AOPEP: variants seen among roughly 807,000 people sequenced by gnomAD.
AOPEP encodes aminopeptidase O.
AOPEP carries 77 observed loss-of-function variants against 98.1 expected under a neutral mutation model. The ratio of observed to expected loss-of-function variants is 0.78; its 90% confidence interval spans 0.65 to 0.95. The LOEUF (loss-of-function observed/expected upper bound fraction) is 0.95, where lower values mean the gene tolerates loss of function less well. Ranked by LOEUF, AOPEP falls within the 40% of genes least tolerant of loss-of-function variation. The pLI, the probability that AOPEP is intolerant of heterozygous loss-of-function variation, is 0.00. For missense variants in AOPEP, 1,024 were observed against 1,024.7 expected (o/e 1.00, Z 0.01); for synonymous variants, 346 against 365.3 (o/e 0.95, Z 0.60).
intron 5 of AOPEP, among the ~76,000 whole-genome samples, chr9:94,874,200 A>G (rs2046662075): frequency 6.6e-6 from 1 of 152,352 alleles, no homozygotes; most frequent in African/African-American, 2.4e-5. Context: ...GTTATATACC[A>G]GGCAGCACTG....
chr9:95,135,483 T>A, the AOPEP span: 1 of 1,613,988 alleles, frequency 6.2e-7, no homozygotes, highest in Non-Finnish European at 8.5e-7. Flanking sequence ...ACAGCTGACA[T>A]GGGGAGAGAA....
At chr9:94,954,139 A>G (rs925418122) in intron 7 of AOPEP, among the ~76,000 whole-genome samples, 1 of 152,160 alleles carries the variant, frequency 6.6e-6, no homozygotes, top group Non-Finnish European at 1.5e-5. Context: ...CCTGGCCAAC[A>G]TGGCGAAACC....
intron 3 of AOPEP, among the ~76,000 whole-genome samples, chr9:94,781,026 G>A (rs938536467): frequency 6.6e-6 from 1 of 152,046 alleles, no homozygotes; most frequent in African/African-American, 2.4e-5. Context: ...TTAAAATGAA[G>A]GGTAATGGTT....
intron 1 of AOPEP, among the ~76,000 whole-genome samples, chr9:94,752,404 G>A (rs1339427900): frequency 6.6e-6 from 1 of 151,888 alleles, no homozygotes; most frequent in African/African-American, 2.4e-5. Flanking sequence ...GCATGTACCA[G>A]GGAGAAAGAA....
At chr9:94,733,018 G>A (rs2131721645) in intron 1 of AOPEP, among the ~76,000 whole-genome samples, 1 of 151,968 alleles carries the variant, frequency 6.6e-6, no homozygotes, top group South Asian at 2.1e-4. Flanking sequence ...TTGGAACATG[G>A]CATAACATCT....
At chr9:94,765,926 T>C (rs1390295127) in intron 2 of AOPEP, among the ~76,000 whole-genome samples, 4 of 152,204 alleles carry the variant, frequency 2.6e-5, no homozygotes, top group East Asian at 1.9e-4. Context: ...TTAAAATGAC[T>C]GATGGAAGGA....
At chr9:94,741,422 G>A (rs939950776) in intron 1 of AOPEP, among the ~76,000 whole-genome samples, 9 of 151,914 alleles carry the variant, frequency 5.9e-5, no homozygotes, top group East Asian at 5.8e-4. Context: ...ACAGGCGCCC[G>A]CCACCATGCC....
At position 94,930,385 on chromosome 9, in the gene AOPEP, T is replaced by A. The variant is rs1032915411; in HGVS notation, c.1661+1854T>A. On this transcript the variant is annotated intron_variant, in intron 7 of 16. Transcript: ENST00000375315. This position sits in a 1 kb window ranked among gnomAD's most constrained non-coding sequence, Gnocchi z 4.5. ...GGAGGAGCTTGGAAGGAAAATGAAGTTTCCAGCTTTGCATGTGTTAAGTTT... is the reference window on the plus strand; with the variant it reads ...GGAGGAGCTTGGAAGGAAAATGAAGATTCCAGCTTTGCATGTGTTAAGTTT... Among the ~76,000 whole-genome samples, 2 of 152,128 alleles carry A rather than the reference T, an allele frequency of 1.3e-5. No individual in the cohort carries two copies. Among genetic ancestry groups the A allele is most frequent in the African/African-American group, 4.8e-5 (2 of 41,420 alleles).
rs572431697 is a variant in AOPEP at position 95,081,262 on chromosome 9, C to T, written c.2319+482C>T. Among the ~76,000 whole-genome samples, 10 of 152,314 alleles carry T rather than the reference C, an allele frequency of 6.6e-5. No homozygotes were observed. The South Asian group carries it at 1.2e-3, about 19-fold the overall frequency. On this transcript the variant is annotated intron_variant, in intron 15 of 16. Transcript: ENST00000375315. ...GTTCACCAGGGACAGCAGTCACCTT[C>T]CTAGGAGTTCACAGGCAGTGCGCAT...
At chr9:95,090,135 C>T (rs972929884), downstream of AOPEP, among the ~76,000 whole-genome samples, 11 of 152,248 alleles carry the variant, frequency 7.2e-5, no homozygotes, top group Non-Finnish European at 1.5e-4. Flanking sequence ...GGCCGCAACA[C>T]GCCACCCTGG....
In AOPEP at chr9:94,949,867, G is replaced by A. The variant is rs569917357; in HGVS notation, c.1662-5310G>A. On this transcript the variant is annotated intron_variant, in intron 7 of 16. Coordinates refer to ENST00000375315, the MANE Select transcript of AOPEP (RefSeq NM_001193329.3). ...GTCTTCGTGGAGCGGTGTAGACCAA[G>A]GGGATGAGTGTGTAAGGAAGATGCC... is the stretch of plus-strand genomic sequence containing the variant. Among the ~76,000 whole-genome samples the A allele has an allele frequency of 7.2e-5, 11 of 152,340 alleles. No homozygotes were observed. The South Asian group carries it at 2.3e-3, about 32-fold the overall frequency.
chr9:94,921,973 C>T (rs544964307), intron 5 of AOPEP, among the ~76,000 whole-genome samples: 4 of 152,198 alleles, frequency 2.6e-5, no homozygotes, highest in East Asian at 3.9e-4. Flanking sequence ...ATTCTGGCAA[C>T]GCTGGGTCCT....
At chr9:94,933,743 TA>T (rs1454602701) in intron 7 of AOPEP, 3 of 877,640 alleles carry the variant, frequency 3.4e-6, no homozygotes, top group Non-Finnish European at 2.7e-6. Flanking sequence ...TATTTTTATT[TA>T]TTTTTTTTAA....
At chr9:94,876,491 G>A (rs966689326) in intron 5 of AOPEP, among the ~76,000 whole-genome samples, 1 of 151,148 alleles carries the variant, frequency 6.6e-6, no homozygotes, top group African/African-American at 2.4e-5. Context: ...TCAGCCTCCC[G>A]AGTAGCTGGG....
intron 13 of AOPEP, among the ~76,000 whole-genome samples, chr9:95,011,716 G>A (rs552504680): frequency 1.3e-5 from 2 of 152,206 alleles, no homozygotes; most frequent in Admixed American, 6.5e-5. Context: ...GGAGGTTGAG[G>A]CAGTAGAATC....
At chr9:95,147,918 A>G in the AOPEP span, among the ~76,000 whole-genome samples, 1 of 152,222 alleles carries the variant, frequency 6.6e-6, no homozygotes, top group Admixed American at 6.5e-5. Flanking sequence ...CTTTTATATG[A>G]AAGTTGGCCA....
At chr9:94,767,022 A>C (rs1270545854) in intron 2 of AOPEP, among the ~76,000 whole-genome samples, 1 of 152,098 alleles carries the variant, frequency 6.6e-6, no homozygotes, top group Non-Finnish European at 1.5e-5. Context: ...AATTAATTTC[A>C]TTATTTTATA....
chr9:94,778,188 T>C (rs189062571), intron 3 of AOPEP, among the ~76,000 whole-genome samples: 1 of 152,302 alleles, frequency 6.6e-6, no homozygotes, highest in Admixed American at 6.5e-5. Flanking sequence ...CTCTCATACA[T>C]TGCTGGTGAG....
intron 4 of AOPEP, among the ~76,000 whole-genome samples, chr9:94,800,189 C>T (rs1200695647): frequency 6.6e-6 from 1 of 152,140 alleles, no homozygotes; most frequent in African/African-American, 2.4e-5. Flanking sequence ...TTTTGATGGG[C>T]TGTGTAAAGA....
Sources: allele counts gnomAD v4.1 joint callset (sites outside exome capture counted in the v4.1 genomes callset), GRCh38; gene constraint gnomAD v4.1.1; non-coding constraint Gnocchi (gnomAD v3.1); transcripts MANE v1.5; gene names NCBI Gene and HGNC (gene_info 2026-07-23, HGNC 2026-07-21).